Variants in P3H2 observed in about 807,000 individuals in gnomAD.
P3H2 encodes the protein leprecan-like 1.
A neutral mutation model predicts 87.0 loss-of-function variants in P3H2; 80 were observed. The observed-to-expected ratio is 0.92, with a 90% confidence interval of 0.77 to 1.11. The LOEUF (loss-of-function observed/expected upper bound fraction) is 1.11. Among genes scored for constraint, P3H2 ranks in the 50% least tolerant of loss-of-function variants. P3H2 has a pLI of 0.00. For synonymous variants in P3H2, 367 were observed against 359.3 expected (o/e 1.02, Z -0.24); for missense variants, 1,001 against 923.9 (o/e 1.08, Z -1.08).
rs1480303618 is a variant in P3H2 at position 189,994,302 on chromosome 3, GAAAA to G, written c.634-23_634-20del. 6.8e-7 allele frequency: 1 copy of G among 1,480,614 alleles called. No individual in the cohort carries two copies. Among genetic ancestry groups the G allele is most frequent in the Admixed American group, 1.9e-5 (1 of 52,244 alleles). 91.7% of individuals were successfully genotyped at this position (1,480,614 alleles called of 1,614,324 possible). A position where few individuals can be genotyped will look rare whatever the true frequency, so the allele number is the denominator to read the frequency against. On this transcript the variant is annotated intron_variant, in intron 2 of 14. Transcript: ENST00000319332. ...AACTCTCCTGTAATGAAACAGACGG[GAAAA>G]AACAAACAAACAAACAAACAAACAA... is the stretch of plus-strand genomic sequence containing the variant.
intron 1 of P3H2, among the ~76,000 whole-genome samples, chr3:190,036,228 C>T (rs1437834290): frequency 6.6e-6 from 1 of 152,118 alleles, no homozygotes; most frequent in African/African-American, 2.4e-5. Context: ...TCTCATTTTT[C>T]AGTTAGTCTC....
intron 1 of P3H2, among the ~76,000 whole-genome samples, chr3:190,014,458 T>C (rs1560362651): frequency 6.6e-6 from 1 of 152,186 alleles, no homozygotes; most frequent in East Asian, 1.9e-4. Flanking sequence ...GTGAAAAGGT[T>C]ATCTTCTAGG....
rs1711579954 is a variant in P3H2 at position 190,100,423 on chromosome 3, C to T, written c.480+19829G>A. Among the ~76,000 whole-genome samples the T allele has an allele frequency of 2.0e-5, 3 of 152,002 alleles. No individual in the cohort carries two copies. In the South Asian group the frequency reaches 6.2e-4, roughly 32 times the overall value. On this transcript the variant is annotated intron_variant, in intron 1 of 14. Transcript: ENST00000319332. The stretch of plus-strand genomic sequence containing the variant: ...AGGATTTATTAAAATGAGGAGTGAA[C>T]AACTGCTGAGAGTTTCATAGTTTAG...
At chr3:190,020,079 T>G (rs1280087778) in intron 1 of P3H2, among the ~76,000 whole-genome samples, 1 of 133,382 alleles carries the variant, frequency 7.5e-6, no homozygotes, top group African/African-American at 2.6e-5. Context: ...ATAGTTGGTC[T>G]ACTGCTGAAA....
At chr3:190,094,638 G>GT (rs1197127053) in intron 1 of P3H2, among the ~76,000 whole-genome samples, 3 of 152,218 alleles carry the variant, frequency 2.0e-5, no homozygotes. Context: ...AGCAACAACA[G>GT]TGGGGTACTG....
intron 1 of P3H2, among the ~76,000 whole-genome samples, chr3:190,107,823 A>G (rs1423594332): frequency 6.6e-6 from 1 of 152,210 alleles, no homozygotes; most frequent in Non-Finnish European, 1.5e-5. Context: ...ATTCTTTTAC[A>G]AACTATGATT....
At chr3:190,019,796 A>ATATGTATATATATATATATATATG (rs1182225785) in intron 1 of P3H2, among the ~76,000 whole-genome samples, 2 of 53,158 alleles carry the variant, frequency 3.8e-5, no homozygotes, top group African/African-American at 8.3e-5. Context: ...ATATATATAT[A>ATATGTATATATATATATATATATG]TATATATATA....
Position 190,007,965 on chromosome 3 carries a change from C to CACACACACACACACACACATATATAT in P3H2, c.481-12524_481-12523insATATATATGTGTGTGTGTGTGTGTGT. Among the ~76,000 whole-genome samples the CACACACACACACACACACATATATAT allele has an allele frequency of 1.1e-3, 104 of 94,350 alleles. 1 individual carries two copies. Among genetic ancestry groups the CACACACACACACACACACATATATAT allele is most frequent in the East Asian group, 6.5e-3 (17 of 2,606 alleles). The allele number at this position is 94,350 out of a possible 152,430, so 61.9% of individuals were successfully genotyped here. On this transcript the variant is annotated intron_variant, in intron 1 of 14. Coordinates refer to ENST00000319332, the MANE Select transcript of P3H2 (RefSeq NM_018192.4). ...GCCTGAGACTCTATTTGTTGACACA[C>CACACACACACACACACACATATATAT]ATATATATATATATATATATAGTAA...
At chr3:189,980,418 C>T (rs1194610627) in intron 8 of P3H2, among the ~76,000 whole-genome samples, 2 of 152,000 alleles carry the variant, frequency 1.3e-5, no homozygotes, top group African/African-American at 2.4e-5. Context: ...CAAAAATTAG[C>T]CGGGTATGGT....
intron 1 of P3H2, among the ~76,000 whole-genome samples, chr3:190,034,079 TAA>T (rs1205288434): frequency 6.6e-6 from 1 of 152,174 alleles, no homozygotes; most frequent in Non-Finnish European, 1.5e-5. Context: ...CACGATGTTA[TAA>T]AAAAAGATTT....
intron 3 of P3H2, among the ~76,000 whole-genome samples, chr3:189,990,212 T>C (rs567348685): frequency 6.6e-6 from 1 of 152,292 alleles, no homozygotes; most frequent in African/African-American, 2.4e-5. Context: ...AACTGAATCA[T>C]TTATAGCACA....
At chr3:189,973,445 A>T in intron 10 of P3H2, among the ~76,000 whole-genome samples, 1 of 144,720 alleles carries the variant, frequency 6.9e-6, no homozygotes, top group Middle Eastern at 3.7e-3. Context: ...GTTTCATTTC[A>T]CTCTTGCTTC....
intron 1 of P3H2, among the ~76,000 whole-genome samples, chr3:190,030,708 A>G (rs1162000494): frequency 6.6e-6 from 1 of 152,230 alleles, no homozygotes; most frequent in Admixed American, 6.5e-5. Context: ...TAAACATGCT[A>G]TAGTAAATTT....
intron 13 of P3H2, chr3:189,969,295 A>T: frequency 1.1e-6 from 1 of 914,622 alleles, no homozygotes; most frequent in Non-Finnish European, 1.8e-6. Flanking sequence ...GATAACATCC[A>T]CCCCCCAGGT....
intron 1 of P3H2, among the ~76,000 whole-genome samples, chr3:190,109,880 G>A (rs369796365): frequency 1.5e-5 from 2 of 130,738 alleles, no homozygotes; most frequent in Non-Finnish European, 3.1e-5. Flanking sequence ...ACAGGGTCTC[G>A]CTCTATTGCC....
At chr3:190,006,900 T>TACTAAGGTCAAAGGGGACAC (rs1724405559) in intron 1 of P3H2, among the ~76,000 whole-genome samples, 1 of 152,176 alleles carries the variant, frequency 6.6e-6, no homozygotes, top group Non-Finnish European at 1.5e-5. Flanking sequence ...ATTATGGGGA[T>TACTAAGGTCAAAGGGGACAC]CTTTGATACT....
At chr3:190,042,784 AG>A (rs1420214479) in intron 1 of P3H2, among the ~76,000 whole-genome samples, 1 of 152,180 alleles carries the variant, frequency 6.6e-6, no homozygotes, top group African/African-American at 2.4e-5. Context: ...TAGAAACAAG[AG>A]TCAGGAGAAG....
intron 1 of P3H2, among the ~76,000 whole-genome samples, chr3:190,006,133 G>T (rs185105893): frequency 4.5e-4 from 69 of 152,302 alleles, no homozygotes; most frequent in African/African-American, 1.6e-3. Flanking sequence ...GAAAGCTAAA[G>T]TTTGGGAGAG....
chr3:190,009,889 T>A (rs1367430302), intron 1 of P3H2, among the ~76,000 whole-genome samples: 1 of 152,162 alleles, frequency 6.6e-6, no homozygotes, highest in African/African-American at 2.4e-5. Context: ...CCTTGCCCCA[T>A]GTGAGTAGAG....
Sources: allele counts gnomAD v4.1 joint callset (sites outside exome capture counted in the v4.1 genomes callset), GRCh38; gene constraint gnomAD v4.1.1; transcripts MANE v1.5; gene names NCBI Gene and HGNC (gene_info 2026-07-23, HGNC 2026-07-21).